The following NASP variants were observed in gnomAD, a reference collection of about 807,000 sequenced individuals.
NASP encodes NASP histone chaperone.
NASP carries 24 observed loss-of-function variants against 89.5 expected under a neutral mutation model. The ratio of observed to expected loss-of-function variants is 0.27; its 90% CI spans 0.19 to 0.38. The LOEUF (loss-of-function observed/expected upper bound fraction) is 0.38, where lower values mean the gene tolerates loss of function less well. Ranked by LOEUF, NASP falls within the 10% of genes least tolerant of loss-of-function variation. The pLI, the probability that NASP is intolerant of heterozygous loss-of-function variation, is 1.00. For synonymous variants in NASP, 306 were observed against 324.7 expected (o/e 0.94, Z 0.62); for missense variants, 848 against 921.4 (o/e 0.92, Z 1.03).
rs781687159 is a variant in NASP at position 45,607,830 on chromosome 1, G to C, written c.919G>C (p.Val307Leu). 1 of 1,614,218 alleles carries C rather than the reference G, an allele frequency of 6.2e-7. No homozygotes were observed. The highest frequency in any genetic ancestry group is 8.5e-7 in the Non-Finnish European group (1 of 1,180,038). ...AESLDPTVKP[V>L]DVGGDEPEEK... The stretch of plus-strand genomic sequence containing the variant: ...GTCTTTAGACCCGACAGTCAAGCCA[G>C]TGGATGTGGGTGGGGACGAGCCAGA... Residue 307 changes from valine to leucine, a missense_variant, in exon 6 of 15, where the codon GTG (valine) becomes CTG (leucine). Around this residue, in one of 5 missense-constraint regions of NASP, gnomAD observed 464 missense variants for 469.4 expected, o/e 0.99. Coordinates refer to ENST00000350030, the MANE Select transcript of NASP (RefSeq NM_002482.4).
chr1:45,617,554 C>G lies in NASP; in HGVS notation c.2249C>G (p.Pro750Arg). 6.2e-7 allele frequency: 1 copy of G among 1,600,870 alleles called. No homozygotes were observed. The highest frequency in any genetic ancestry group is 8.5e-7 in the Non-Finnish European group (1 of 1,176,058). The change falls in exon 14 of 15, where the codon CCC becomes CGC. Residue 750 changes from proline (P) to arginine (R), a missense_variant. By Grantham distance (103) the Pro-to-Arg change is moderately radical (BLOSUM62 -2). Around this residue, in one of 5 missense-constraint regions of NASP, gnomAD observed 218 missense variants for 219.6 expected, o/e 0.99. Coordinates refer to ENST00000350030, the MANE Select transcript of NASP (RefSeq NM_002482.4). ...EVNGGSGDAV[P>R]SGNEVSENME... ...AACGGAGGCAGTGGGGATGCTGTCCCCAGTGGAAATGAAGTTTCGGAAAAC... is the reference window on the plus strand; with the variant it reads ...AACGGAGGCAGTGGGGATGCTGTCCGCAGTGGAAATGAAGTTTCGGAAAAC...
chr1:45,603,480 C>T (rs1303282858), intron 3 of NASP, among the ~76,000 whole-genome samples: 1 of 152,156 alleles, frequency 6.6e-6, no homozygotes, highest in African/African-American at 2.4e-5. Context: ...ACATCCAGAA[C>T]AGAATCTTAC....
At chr1:45,601,533 C>G (rs948661516) in intron 2 of NASP, among the ~76,000 whole-genome samples, 18 of 152,066 alleles carry the variant, frequency 1.2e-4, no homozygotes, top group African/African-American at 4.1e-4. Flanking sequence ...ATTTGGTTTT[C>G]TTTATGCCAA....
chr1:45,598,299 T>C (rs1446600876), intron 2 of NASP, among the ~76,000 whole-genome samples: 2 of 152,004 alleles, frequency 1.3e-5, no homozygotes, highest in East Asian at 3.9e-4. Flanking sequence ...GCCTCCCAAA[T>C]AGCTGGGATT....
At chr1:45,586,257 TGTGTGTGTGTGTGTGTGTGTGTGTGTG>T (rs1436717930) in intron 1 of NASP, among the ~76,000 whole-genome samples, 81 of 49,996 alleles carry the variant, frequency 1.6e-3, no homozygotes, top group Non-Finnish European at 2.8e-3. Flanking sequence ...TGTGTGTGTG[TGTGTGTGTGTGTGTGTGTGTGTGTGTG>T]GTGTGTGTGT....
chr1:45,591,046 T>A (rs909184202), intron 1 of NASP, among the ~76,000 whole-genome samples, 177 bp from the exon 2 acceptor site: 1 of 152,214 alleles, frequency 6.6e-6, no homozygotes, highest in Non-Finnish European at 1.5e-5. Context: ...CCCTGGATAT[T>A]TGAGTGAGTA....
intron 1 of NASP, among the ~76,000 whole-genome samples, chr1:45,586,171 G>A (rs1343732514): frequency 6.8e-6 from 1 of 147,140 alleles, no homozygotes; most frequent in Non-Finnish European, 1.5e-5. Context: ...GGGTGGGGGG[G>A]CAGGGTCTCT....
At chr1:45,608,853 G>A (rs1643953883) in intron 6 of NASP, among the ~76,000 whole-genome samples, 2 of 152,312 alleles carry the variant, frequency 1.3e-5, no homozygotes, top group South Asian at 4.1e-4. Context: ...AATGAAGGCA[G>A]TTAACCTTGA....
intron 6 of NASP, chr1:45,610,502 G>T (rs996463562): frequency 2.6e-5 from 4 of 152,114 alleles, no homozygotes; most frequent in African/African-American, 9.7e-5. Context: ...CTTCCAAGCA[G>T]TTTTTTTCAC....
At chr1:45,613,454 G>T (rs1231628506) in intron 7 of NASP, among the ~76,000 whole-genome samples, 1 of 152,092 alleles carries the variant, frequency 6.6e-6, no homozygotes, top group Admixed American at 6.5e-5. Context: ...CAGCTAGTTT[G>T]CAGGACTGTA....
At chr1:45,590,763 T>C (rs558186811) in intron 1 of NASP, among the ~76,000 whole-genome samples, 4 of 151,360 alleles carry the variant, frequency 2.6e-5, no homozygotes, top group East Asian at 1.9e-4. Context: ...CTGTGTGTTA[T>C]AGAAGGTTAT....
At chr1:45,588,449 C>T (rs932908517) in intron 1 of NASP, among the ~76,000 whole-genome samples, 1 of 152,026 alleles carries the variant, frequency 6.6e-6, no homozygotes, top group African/African-American at 2.4e-5. Context: ...GAGAAGGGGT[C>T]TCATTTTGCT....
intron 6 of NASP, 105 bp downstream of exon 6, chr1:45,608,442 T>C (rs1643947553): frequency 8.1e-7 from 1 of 1,235,248 alleles, no homozygotes; most frequent in African/African-American, 1.5e-5. Flanking sequence ...CCGTCTGCCT[T>C]TGGATTAGGA....
rs754683607 is a variant in NASP at position 45,607,718 on chromosome 1, C to G, written c.807C>G (p.Ser269Arg). The G allele has an allele frequency of 3.1e-6, 5 of 1,613,956 alleles. No individual in the cohort carries two copies. The African/African-American group carries it at 5.3e-5, about 17-fold the overall frequency. Residue 269 changes from serine (S) to arginine (R), a missense_variant, in exon 6 of 15, where the codon AGC becomes AGG. By Grantham distance (110) the Ser-to-Arg change is moderately radical (BLOSUM62 -1). Coordinates refer to ENST00000350030, the MANE Select transcript of NASP (RefSeq NM_002482.4). ...AGAAGCAGGGAGAGGTAATTGTGAG[C>G]ATAGAGGAGAAGCCAAAAGAAGTTT... ...GQEKQGEVIV[S>R]IEEKPKEVSE...
At position 45,614,086 on chromosome 1, in the gene NASP, T is replaced by C. The variant is rs891691117; in HGVS notation, c.1507-10T>C. ...GATGCCTATCTTTTTATTATTTGGT[T>C]ATACTTTAGTCTCTTCAAGAAAATG... On this transcript the variant is annotated splice_polypyrimidine_tract_variant and intron_variant, in intron 7 of 14. Transcript: ENST00000350030. The C allele has an allele frequency of 1.3e-6, 2 of 1,556,640 alleles. No homozygotes were observed. Among genetic ancestry groups the C allele is most frequent in the Non-Finnish European group, 1.8e-6 (2 of 1,129,408 alleles).
intron 1 of NASP, among the ~76,000 whole-genome samples, chr1:45,590,349 C>T (rs1032180925): frequency 1.3e-5 from 2 of 151,922 alleles, no homozygotes; most frequent in African/African-American, 4.8e-5. Context: ...CGAGACCATC[C>T]TGGCTAACAC....
rs145047879 is a variant in NASP at position 45,591,226 on chromosome 1, T to C, written c.63T>C (p.Ile21=). 2.6e-6 allele frequency: 4 copies of C among 1,534,068 alleles called. No homozygotes were observed. Among genetic ancestry groups the C allele is most frequent in the Non-Finnish European group, 3.5e-6 (4 of 1,141,224 alleles). The change falls in exon 2 of 15, where the codon ATT becomes ATC. Residue 21 remains isoleucine (I), a synonymous_variant. Transcript: ENST00000350030. ...VAAELVSADK[I]EDVPAPSTSA... Reference sequence around the variant, plus strand: ...CCCCTTTAATTTTTTATTACAGAATTGAAGATGTTCCTGCTCCTTCTACAT... The same window carrying C: ...CCCCTTTAATTTTTTATTACAGAATCGAAGATGTTCCTGCTCCTTCTACAT...
Position 45,601,745 on chromosome 1 carries a change from A to ATTTTTTTTTT in NASP, c.108-491_108-482dup. 4.4e-4 allele frequency among the ~76,000 whole-genome samples: 30 copies of ATTTTTTTTTT among 68,936 alleles called. 3 individuals are homozygous for ATTTTTTTTTT. The highest frequency in any genetic ancestry group is 1.1e-3 in the African/African-American group (18 of 16,404). 45.2% of individuals were successfully genotyped at this position (68,936 alleles called of 152,430 possible). On this transcript the variant is annotated intron_variant, in intron 2 of 14. Coordinates refer to ENST00000350030, the MANE Select transcript of NASP (RefSeq NM_002482.4). ...TGTGATTAGATGAGCCGTTAAGAGA[A>ATTTTTTTTTT]TTTTTTTTTTTTTTTTTTTTTTTTT... is the stretch of plus-strand genomic sequence containing the variant.
At chr1:45,602,205 A>C in intron 2 of NASP, 50 bp from the exon 3 acceptor site, 2 of 1,552,462 alleles carry the variant, frequency 1.3e-6, no homozygotes. Context: ...GTATTCAAAA[A>C]ATACTGATTT....
Sources: gnomAD v4.1 joint callset for allele counts (sites outside exome capture counted in the v4.1 genomes callset) on GRCh38, gnomAD v4.1.1 for gene constraint, gnomAD v4.1.1 regional missense constraint, MANE v1.5 for transcripts, NCBI Gene and HGNC (gene_info 2026-07-23, HGNC 2026-07-21) for gene names.